ZMAT4: variants seen among roughly 807,000 people sequenced by gnomAD.
The protein encoded by ZMAT4 is zinc finger matrin-type 4, also known as zinc finger matrin-type protein 4.
Under a neutral mutation model 28.7 loss-of-function variants are expected in ZMAT4, and 17 were observed. The ratio of observed to expected loss-of-function variants is 0.59; its 90% CI spans 0.41 to 0.89. The LOEUF (loss-of-function observed/expected upper bound fraction) is 0.89. ZMAT4 is among the 40% of genes least tolerant of loss of function. ZMAT4 has a pLI of 0.00. For missense variants in ZMAT4, 240 were observed against 283.8 expected (o/e 0.85, Z 1.11); for synonymous variants, 117 against 109.2 (o/e 1.07, Z -0.44).
intron 2 of ZMAT4, among the ~76,000 whole-genome samples, chr8:40,818,281 T>C (rs1291215733): frequency 1.3e-5 from 2 of 152,102 alleles, no homozygotes; most frequent in East Asian, 3.8e-4. Context: ...AATATAAAAG[T>C]AGTTAGAAAT....
At chr8:40,884,940 C>A (rs1479854889) in intron 1 of ZMAT4, 1 of 152,222 alleles carries the variant, frequency 6.6e-6, no homozygotes, top group Admixed American at 6.5e-5. Context: ...CCTAAAATAT[C>A]TACTATCTGG....
chr8:40,547,327 A>G (rs1803236415), intron 6 of ZMAT4, among the ~76,000 whole-genome samples: 1 of 152,090 alleles, frequency 6.6e-6, no homozygotes, highest in Admixed American at 6.6e-5. Context: ...GTCTCTCACA[A>G]TCTGACTCCC....
intron 6 of ZMAT4, among the ~76,000 whole-genome samples, chr8:40,540,602 T>C (rs1802998015): frequency 1.3e-5 from 2 of 152,186 alleles, no homozygotes; most frequent in South Asian, 4.1e-4. Context: ...ACATTCCTTC[T>C]AGGTATTAAA....
At chr8:40,822,866 GT>G (rs1310966753) in intron 2 of ZMAT4, among the ~76,000 whole-genome samples, 1 of 152,176 alleles carries the variant, frequency 6.6e-6, no homozygotes, top group Non-Finnish European at 1.5e-5. Context: ...TTGCAGATCT[GT>G]TGTAATTGCT....
intron 5 of ZMAT4, among the ~76,000 whole-genome samples, chr8:40,582,069 G>A (rs73677419): frequency 0.011 from 1,633 of 152,168 alleles, 30 homozygotes; most frequent in African/African-American, 0.038. Flanking sequence ...AAGTAAAGTT[G>A]GTCATGATCT....
chr8:40,807,221 C>T (rs535524111), intron 2 of ZMAT4, among the ~76,000 whole-genome samples: 57 of 150,876 alleles, frequency 3.8e-4, no homozygotes, highest in Non-Finnish European at 7.4e-4. Flanking sequence ...GCAGGTGGAT[C>T]ACCTGAGGTC....
intron 1 of ZMAT4, among the ~76,000 whole-genome samples, chr8:40,833,837 G>A (rs969479224): frequency 6.6e-6 from 1 of 152,148 alleles, no homozygotes; most frequent in African/African-American, 2.4e-5. Context: ...GTTTGAGGCT[G>A]TCTTTCCCAT....
chr8:40,832,732 C>A (rs562379981), intron 1 of ZMAT4, among the ~76,000 whole-genome samples: 1 of 152,332 alleles, frequency 6.6e-6, no homozygotes, highest in East Asian at 1.9e-4. Context: ...GTGAAACAGA[C>A]AGGAGGCCTT....
chr8:40,710,584 C>T (rs1382153456), intron 3 of ZMAT4, among the ~76,000 whole-genome samples: 2 of 151,688 alleles, frequency 1.3e-5, no homozygotes, highest in South Asian at 4.2e-4. Context: ...TCTTGAAGTG[C>T]CATTGCCACA....
At chr8:40,718,648 G>C (rs1810954586) in intron 3 of ZMAT4, among the ~76,000 whole-genome samples, 1 of 152,122 alleles carries the variant, frequency 6.6e-6, no homozygotes, top group Non-Finnish European at 1.5e-5. Context: ...TGCTCACCCA[G>C]CCTCCTTCTT....
At chr8:40,654,084 T>C (rs73609591) in intron 5 of ZMAT4, among the ~76,000 whole-genome samples, 18,891 of 152,180 alleles carry the variant, frequency 0.12, 1,446 homozygotes, top group African/African-American at 0.22. Context: ...TTTTGTCACA[T>C]TGAGCCTGCC....
chr8:40,714,754 GAAGT>G (rs1393750205), intron 3 of ZMAT4, among the ~76,000 whole-genome samples: 1 of 152,132 alleles, frequency 6.6e-6, no homozygotes, highest in African/African-American at 2.4e-5. Context: ...TTTACAGGAA[GAAGT>G]GTGTGAAATA....
intron 2 of ZMAT4, among the ~76,000 whole-genome samples, chr8:40,799,254 TAGAG>T (rs1391907911): frequency 6.6e-6 from 1 of 151,430 alleles, no homozygotes; most frequent in Admixed American, 6.6e-5. Flanking sequence ...TGGAGACAGA[TAGAG>T]AGAGAGGGAG....
intron 1 of ZMAT4, among the ~76,000 whole-genome samples, chr8:40,864,938 A>G (rs1220768327): frequency 6.6e-6 from 1 of 152,214 alleles, no homozygotes; most frequent in South Asian, 2.1e-4. Flanking sequence ...TTTTATTGAA[A>G]TGCTTACTGA....
intron 6 of ZMAT4, among the ~76,000 whole-genome samples, chr8:40,544,033 A>T (rs1803120250): frequency 6.6e-6 from 1 of 152,170 alleles, no homozygotes; most frequent in Admixed American, 6.5e-5. Flanking sequence ...TGGAGAGGGA[A>T]GGGCAGTCAG....
At chr8:40,556,298 T>C (rs1803532115) in intron 6 of ZMAT4, among the ~76,000 whole-genome samples, 1 of 152,212 alleles carries the variant, frequency 6.6e-6, no homozygotes, top group Non-Finnish European at 1.5e-5. Flanking sequence ...AAAAAGTTCT[T>C]CTTAATAATT....
chr8:40,739,343 G>A (rs1372088083), intron 3 of ZMAT4, among the ~76,000 whole-genome samples: 2 of 152,122 alleles, frequency 1.3e-5, no homozygotes, highest in African/African-American at 2.4e-5. Flanking sequence ...TAACCTGTGG[G>A]TGCCTTGGAT....
chr8:40,647,800 C>T (rs943061356), intron 5 of ZMAT4, among the ~76,000 whole-genome samples: 31 of 152,158 alleles, frequency 2.0e-4, no homozygotes, highest in African/African-American at 7.0e-4. Context: ...TGGGAGGCAC[C>T]CCCAAGCAGG....
chr8:40,609,933 T>C (rs1016266667), intron 5 of ZMAT4, among the ~76,000 whole-genome samples: 27 of 152,228 alleles, frequency 1.8e-4, no homozygotes, highest in African/African-American at 6.0e-4. Context: ...TTGCACCAGA[T>C]TCAGGTCTCA....
Sources: allele counts gnomAD v4.1 joint callset (sites outside exome capture counted in the v4.1 genomes callset), GRCh38; gene constraint gnomAD v4.1.1; transcripts MANE v1.5; gene names NCBI Gene and HGNC (gene_info 2026-07-23, HGNC 2026-07-21).